The following UMAD1 variants were observed in gnomAD, a reference collection of about 807,000 sequenced individuals.
UMAD1 encodes the protein UBAP1-MVB12-associated (UMA)-domain containing protein 1.
In UMAD1, 8 loss-of-function variants were observed where a neutral mutation model predicts 6.1. That is an observed-to-expected ratio of 1.30 (90% CI 0.76 to 2.35). The LOEUF is 2.35. Among genes scored for constraint, UMAD1 ranks in the 30% most tolerant of loss-of-function variants. The pLI is 0.00. For synonymous variants in UMAD1, 56 were observed against 31.4 expected (o/e 1.78, Z -2.61); for missense variants, 130 against 78.4 (o/e 1.66, Z -2.49).
At chr7:7,742,627 C>G (rs539280358) in intron 2 of UMAD1, 1 of 367,718 alleles carries the variant, frequency 2.7e-6, no homozygotes, top group East Asian at 7.0e-5. Flanking sequence ...AGTAATAAGC[C>G]GAAAAGAACC....
At chr7:7,699,930 A>G (rs569000770) in intron 2 of UMAD1, among the ~76,000 whole-genome samples, 1 of 152,342 alleles carries the variant, frequency 6.6e-6, no homozygotes, top group South Asian at 2.1e-4. Flanking sequence ...CCAGAAAACT[A>G]CACTTAAAAA....
intron 3 of UMAD1, among the ~76,000 whole-genome samples, chr7:7,871,179 T>C: frequency 6.6e-6 from 1 of 152,228 alleles, no homozygotes; most frequent in East Asian, 1.9e-4. Context: ...GTAAGATCTG[T>C]CACCTTAATG....
chr7:7,687,631 T>G (rs1189030979), intron 2 of UMAD1, among the ~76,000 whole-genome samples: 5 of 152,170 alleles, frequency 3.3e-5, no homozygotes, highest in Non-Finnish European at 5.9e-5. Flanking sequence ...TAGCAGAACA[T>G]TATTAAAGAG....
intron 2 of UMAD1, among the ~76,000 whole-genome samples, chr7:7,786,036 T>G (rs1363228975): frequency 2.6e-5 from 4 of 152,206 alleles, no homozygotes; most frequent in African/African-American, 9.7e-5. Flanking sequence ...GTGCTTTTTG[T>G]TTTTTTGGAA....
intron 2 of UMAD1, among the ~76,000 whole-genome samples, chr7:7,721,152 G>A (rs879701403): frequency 6.6e-6 from 1 of 152,174 alleles, no homozygotes; most frequent in Non-Finnish European, 1.5e-5. Flanking sequence ...TTCAGAGAGA[G>A]CTTAGCCCTA....
chr7:7,841,933 T>C (rs1465232517), intron 3 of UMAD1, among the ~76,000 whole-genome samples: 1 of 152,212 alleles, frequency 6.6e-6, no homozygotes, highest in Non-Finnish European at 1.5e-5. Flanking sequence ...TAAAAACCTA[T>C]CATCTGATAT....
At chr7:7,787,604 AC>A (rs907467249) in intron 2 of UMAD1, among the ~76,000 whole-genome samples, 5 of 152,222 alleles carry the variant, frequency 3.3e-5, no homozygotes, top group Non-Finnish European at 5.9e-5. Flanking sequence ...ACTATGCAGA[AC>A]CCAGTAAAAT....
At chr7:7,706,259 G>T (rs1341313756) in intron 2 of UMAD1, among the ~76,000 whole-genome samples, 2 of 152,132 alleles carry the variant, frequency 1.3e-5, no homozygotes, top group Non-Finnish European at 2.9e-5. Flanking sequence ...TCATCAAAAA[G>T]AGTCTAAAAA....
At chr7:7,693,127 GTATA>G (rs934334533) in intron 2 of UMAD1, among the ~76,000 whole-genome samples, 24 of 152,178 alleles carry the variant, frequency 1.6e-4, no homozygotes, top group African/African-American at 5.5e-4. Flanking sequence ...AACCCCAAAG[GTATA>G]TATATGTCCC....
chr7:7,648,512 T>C (rs1785148552), intron 1 of UMAD1, among the ~76,000 whole-genome samples: 1 of 152,322 alleles, frequency 6.6e-6, no homozygotes, highest in East Asian at 1.9e-4. Flanking sequence ...TCTTAGTCTA[T>C]GTAGTGTTGC....
At chr7:7,833,507 T>C (rs1455196515) in intron 3 of UMAD1, among the ~76,000 whole-genome samples, 3 of 152,138 alleles carry the variant, frequency 2.0e-5, no homozygotes, top group African/African-American at 7.2e-5. Context: ...CAGACTGTAG[T>C]AAGTACTCTA....
intron 1 of UMAD1, among the ~76,000 whole-genome samples, chr7:7,658,539 G>A (rs950146299): frequency 4.6e-5 from 7 of 152,020 alleles, no homozygotes; most frequent in East Asian, 1.9e-4. Flanking sequence ...GAATTTTATC[G>A]AAGGCCTTTT....
chr7:7,651,822 G>A (rs762229985), intron 1 of UMAD1, among the ~76,000 whole-genome samples: 1 of 152,190 alleles, frequency 6.6e-6, no homozygotes, highest in Non-Finnish European at 1.5e-5. Context: ...AGAATTAGGA[G>A]CAGTTTACAG....
At chr7:7,744,722 G>C (rs970686239) in intron 2 of UMAD1, among the ~76,000 whole-genome samples, 3 of 151,854 alleles carry the variant, frequency 2.0e-5, no homozygotes, top group African/African-American at 7.3e-5. Context: ...ATCTTCACTG[G>C]ATAAATGTCT....
chr7:7,843,739 G>A (rs983089704), intron 3 of UMAD1, among the ~76,000 whole-genome samples: 4 of 152,130 alleles, frequency 2.6e-5, no homozygotes, highest in Non-Finnish European at 5.9e-5. Flanking sequence ...TTATCACTTT[G>A]TGATTCTTAG....
chr7:7,721,697 T>C (rs1407293802), intron 2 of UMAD1, among the ~76,000 whole-genome samples: 1 of 152,182 alleles, frequency 6.6e-6, no homozygotes, highest in African/African-American at 2.4e-5. Context: ...TTGATCTTTT[T>C]TGTGATTGTC....
chr7:7,784,241 T>C (rs898693904), intron 2 of UMAD1, among the ~76,000 whole-genome samples: 2 of 152,130 alleles, frequency 1.3e-5, no homozygotes, highest in African/African-American at 4.8e-5. Context: ...AATAAAGTTA[T>C]TGGAAAGAGC....
chr7:7,807,983 C>G (rs1583840607), intron 3 of UMAD1, among the ~76,000 whole-genome samples: 1 of 151,962 alleles, frequency 6.6e-6, no homozygotes, highest in African/African-American at 2.4e-5. Context: ...ATCTAATCAT[C>G]AAAATGTGAT....
chr7:7,722,966 G>C (rs1781077102), intron 2 of UMAD1, among the ~76,000 whole-genome samples: 1 of 152,138 alleles, frequency 6.6e-6, no homozygotes, highest in Admixed American at 6.5e-5. Flanking sequence ...CTCTCCAACC[G>C]ATGCTGCCAT....
Sources: gnomAD v4.1 joint callset for allele counts (sites outside exome capture counted in the v4.1 genomes callset) on GRCh38, gnomAD v4.1.1 for gene constraint, MANE v1.5 for transcripts, NCBI Gene and HGNC (gene_info 2026-07-23, HGNC 2026-07-21) for gene names.